The following NCOA1 variants were observed in gnomAD, a reference collection of about 807,000 sequenced individuals.
The protein encoded by NCOA1 is nuclear receptor coactivator 1.
NCOA1 carries 35 observed loss-of-function variants against 150.9 expected under a neutral mutation model. That is an observed-to-expected ratio of 0.23 (90% confidence interval 0.18 to 0.31). The LOEUF (loss-of-function observed/expected upper bound fraction) is 0.31. NCOA1 is among the 10% of genes least tolerant of loss of function. NCOA1 has a pLI of 1.00. For synonymous variants in NCOA1, 590 were observed against 630.0 expected, an observed-to-expected ratio of 0.94 and a Z score of 0.95; for missense variants, 1,491 against 1,749.3, an observed-to-expected ratio of 0.85 and a Z score of 2.63.
intron 1 of NCOA1, among the ~76,000 whole-genome samples, chr2:24,540,010 T>C (rs1021955147): frequency 2.1e-4 from 32 of 152,186 alleles, no homozygotes; most frequent in African/African-American, 7.2e-4. Flanking sequence ...TATTCATGTC[T>C]AGAAGACGAA....
At chr2:24,512,239 T>C (rs1663965044) in intron 1 of NCOA1, among the ~76,000 whole-genome samples, 2 of 152,220 alleles carry the variant, frequency 1.3e-5, no homozygotes, top group South Asian at 4.1e-4. Flanking sequence ...TATAATACAA[T>C]AGTTATATTA....
intron 3 of NCOA1, among the ~76,000 whole-genome samples, chr2:24,604,772 T>G (rs1458644094): frequency 1.3e-5 from 2 of 152,246 alleles, no homozygotes; most frequent in Non-Finnish European, 2.9e-5. Flanking sequence ...GTGTGTTCGC[T>G]GGAGTAGCAC....
chr2:24,661,859 G>A (rs575264404), intron 5 of NCOA1, among the ~76,000 whole-genome samples: 14 of 152,164 alleles, frequency 9.2e-5, no homozygotes, highest in African/African-American at 3.4e-4. Context: ...CTTCTTATGT[G>A]TTTTAATGGT....
chr2:24,513,566 A>G (rs184840704), intron 1 of NCOA1, among the ~76,000 whole-genome samples: 37 of 152,300 alleles, frequency 2.4e-4, no homozygotes, highest in African/African-American at 7.0e-4. Flanking sequence ...GTGCATTTCT[A>G]TAGAGAGCTT....
At position 24,491,483 on chromosome 2, in the gene NCOA1, G is replaced by GCCGCGGCGGCGGCGGCGGC. The variant is rs1662949558; in HGVS notation, c.-515_-514insCCGCGGCGGCGGCGGCGGC. 9.7e-6 allele frequency among the ~76,000 whole-genome samples: 1 copy of GCCGCGGCGGCGGCGGCGGC among 103,282 alleles called. No individual in the cohort carries two copies. Among genetic ancestry groups the GCCGCGGCGGCGGCGGCGGC allele is most frequent in the Non-Finnish European group, 1.8e-5 (1 of 54,978 alleles). The allele number at this position is 103,282 out of a possible 152,430, so 67.8% of individuals were successfully genotyped here. A position where few individuals can be genotyped will look rare whatever the true frequency, so the allele number is the denominator to read the frequency against. ...CTGCGGGGGGACCCCTGCTCCGGAG[G>GCCGCGGCGGCGGCGGCGGC]AGGGGGCCGGAGAGCCGCGGCGCCG... On this transcript the variant is annotated 5_prime_UTR_variant, in exon 1 of 23. Transcript: ENST00000348332.
At chr2:24,559,796 C>T (rs891373234) in intron 1 of NCOA1, among the ~76,000 whole-genome samples, 1 of 152,170 alleles carries the variant, frequency 6.6e-6, no homozygotes, top group Non-Finnish European at 1.5e-5. Context: ...GTTCTTTTGC[C>T]TCTACCCCTC....
chr2:24,535,323 T>C (rs912386193), intron 1 of NCOA1, among the ~76,000 whole-genome samples: 3 of 152,168 alleles, frequency 2.0e-5, no homozygotes, highest in Non-Finnish European at 4.4e-5. Context: ...CTCCATCCCT[T>C]TATTTTGAGC....
In NCOA1 at chr2:24,639,946, A is replaced by G. The variant is rs372115471; in HGVS notation, c.-174-4020A>G. ...TATATATATATATATATATATATAT[A>G]TATATATATATATATATATATATAT... On this transcript the variant is annotated intron_variant, in intron 3 of 22. Coordinates refer to ENST00000348332, the MANE Select transcript of NCOA1 (RefSeq NM_003743.5). Among the ~76,000 whole-genome samples the G allele has an allele frequency of 3.2e-3, 108 of 34,276 alleles. 13 individuals carry two copies. Among genetic ancestry groups the G allele is most frequent in the Admixed American group, 6.2e-3 (14 of 2,252 alleles). The allele number at this position is 34,276 out of a possible 152,430, so 22.5% of individuals were successfully genotyped here.
chr2:24,681,932 T>C (rs2148538809), intron 7 of NCOA1, among the ~76,000 whole-genome samples: 1 of 152,256 alleles, frequency 6.6e-6, no homozygotes, highest in South Asian at 2.1e-4. Flanking sequence ...GCCAGGATGG[T>C]CTCCATCTCT....
At chr2:24,704,331 C>T (rs1267216894) in intron 11 of NCOA1, among the ~76,000 whole-genome samples, 1 of 151,848 alleles carries the variant, frequency 6.6e-6, no homozygotes, top group Non-Finnish European at 1.5e-5. Flanking sequence ...GTGTGTCAGT[C>T]ATATCTTAGT....
chr2:24,661,930 A>T (rs1440723639), intron 5 of NCOA1, among the ~76,000 whole-genome samples: 1 of 152,190 alleles, frequency 6.6e-6, no homozygotes, highest in Non-Finnish European at 1.5e-5. Context: ...TAAAAGTTTC[A>T]TATCTTTTTT....
chr2:24,767,256 C>G (rs1404733007), intron 22 of NCOA1, among the ~76,000 whole-genome samples: 1 of 152,206 alleles, frequency 6.6e-6, no homozygotes, highest in Non-Finnish European at 1.5e-5. Context: ...CACCACTAAT[C>G]TAAAATACTT....
intron 1 of NCOA1, among the ~76,000 whole-genome samples, chr2:24,500,114 T>G (rs1663395342): frequency 6.6e-6 from 1 of 152,158 alleles, no homozygotes; most frequent in African/African-American, 2.4e-5. Context: ...CTTTCTTTCT[T>G]TCTTTTTTTT....
intron 1 of NCOA1, among the ~76,000 whole-genome samples, chr2:24,507,185 T>G (rs1663735508): frequency 1.3e-5 from 2 of 152,190 alleles, no homozygotes; most frequent in African/African-American, 4.8e-5. Flanking sequence ...GGAGACAGCT[T>G]TATGGATGAG....
chr2:24,570,721 T>C (rs978611350), intron 2 of NCOA1, among the ~76,000 whole-genome samples: 5 of 152,170 alleles, frequency 3.3e-5, no homozygotes, highest in Non-Finnish European at 5.9e-5. Context: ...CCGAATGTGA[T>C]CAAGTCTCTA....
intron 3 of NCOA1, among the ~76,000 whole-genome samples, chr2:24,617,161 C>T (rs925334339): frequency 1.3e-5 from 2 of 152,126 alleles, no homozygotes; most frequent in Non-Finnish European, 2.9e-5. Context: ...CATGTTGCTC[C>T]AATGACTGTG....
intron 1 of NCOA1, among the ~76,000 whole-genome samples, chr2:24,511,275 A>C (rs1354922923): frequency 1.3e-5 from 2 of 152,210 alleles, no homozygotes; most frequent in African/African-American, 4.8e-5. Context: ...TTTTGCATGG[A>C]CATATGTTTT....
chr2:24,520,272 C>T (rs900122638), intron 1 of NCOA1, among the ~76,000 whole-genome samples: 2 of 152,070 alleles, frequency 1.3e-5, no homozygotes, highest in African/African-American at 4.8e-5. Context: ...TAAATGAAAG[C>T]ATATGTCCAT....
At chr2:24,546,636 A>C (rs2148209015) in intron 1 of NCOA1, among the ~76,000 whole-genome samples, 1 of 152,292 alleles carries the variant, frequency 6.6e-6, no homozygotes, top group South Asian at 2.1e-4. Flanking sequence ...TGATATCACG[A>C]GCTTGATAGT....
Sources: gnomAD v4.1 joint callset for allele counts (sites outside exome capture counted in the v4.1 genomes callset) on GRCh38, gnomAD v4.1.1 for gene constraint, MANE v1.5 for transcripts, NCBI Gene and HGNC (gene_info 2026-07-23, HGNC 2026-07-21) for gene names.